PXDNL: variants seen among roughly 807,000 people sequenced by gnomAD.
PXDNL encodes the protein peroxidasin like, also known as probable oxidoreductase PXDNL.
A neutral mutation model predicts 150.8 loss-of-function variants in PXDNL; 145 were observed. That is an observed-to-expected ratio of 0.96 (90% CI 0.84 to 1.10). PXDNL has a LOEUF of 1.10. Ranked by LOEUF, PXDNL falls within the 50% of genes least tolerant of loss-of-function variation. The probability of loss-of-function intolerance (pLI) is 0.00; values close to 1 mark genes in which losing one functional copy is unlikely to be tolerated. For synonymous variants in PXDNL, 757 were observed against 725.7 expected (o/e 1.04, Z -0.69); for missense variants, 2,087 against 1,873.9 (o/e 1.11, Z -2.10).
At chr8:51,714,535 T>TTAAG (rs1030399872) in intron 1 of PXDNL, among the ~76,000 whole-genome samples, 1 of 152,178 alleles carries the variant, frequency 6.6e-6, no homozygotes, top group Non-Finnish European at 1.5e-5. Context: ...TGGAAAATGC[T>TTAAG]TAAGTTTAAA....
At chr8:51,523,568 C>T (rs1811704436) in intron 4 of PXDNL, among the ~76,000 whole-genome samples, 1 of 152,086 alleles carries the variant, frequency 6.6e-6, no homozygotes, top group Non-Finnish European at 1.5e-5. Context: ...ACAAAGAAAA[C>T]ACAGAAGAAT....
At chr8:51,703,572 G>A (rs906083891) in intron 1 of PXDNL, among the ~76,000 whole-genome samples, 1 of 151,990 alleles carries the variant, frequency 6.6e-6, no homozygotes, top group African/African-American at 2.4e-5. Context: ...TTCTCAAAAT[G>A]TGGTCACTAG....
chr8:51,334,360 A>T (rs1269341218), intron 21 of PXDNL, among the ~76,000 whole-genome samples: 1 of 152,178 alleles, frequency 6.6e-6, no homozygotes, highest in Non-Finnish European at 1.5e-5. Context: ...TGTCAACATC[A>T]AAAAGTCTGA....
intron 1 of PXDNL, among the ~76,000 whole-genome samples, chr8:51,769,055 T>C (rs2037262288): frequency 6.6e-6 from 1 of 152,238 alleles, no homozygotes; most frequent in Admixed American, 6.5e-5. Context: ...CGAGCTGAGT[T>C]TGCTCCACTG....
chr8:51,463,835 T>G (rs909764312), intron 8 of PXDNL, among the ~76,000 whole-genome samples: 1 of 152,126 alleles, frequency 6.6e-6, no homozygotes, highest in African/African-American at 2.4e-5. Flanking sequence ...AACTTAATCC[T>G]GAATGACTTT....
intron 17 of PXDNL, among the ~76,000 whole-genome samples, chr8:51,402,306 A>C (rs1808276591): frequency 6.6e-6 from 1 of 152,116 alleles, no homozygotes; most frequent in Non-Finnish European, 1.5e-5. Flanking sequence ...GAAGCAGATC[A>C]CATGTGGTCA....
chr8:51,398,623 G>A (rs1808159527), intron 17 of PXDNL, among the ~76,000 whole-genome samples: 1 of 152,200 alleles, frequency 6.6e-6, no homozygotes, highest in African/African-American at 2.4e-5. Context: ...TGGAAGTTCA[G>A]CCACCCCACA....
chr8:51,712,571 T>G (rs1228191143), intron 1 of PXDNL, among the ~76,000 whole-genome samples: 1 of 152,244 alleles, frequency 6.6e-6, no homozygotes, highest in Non-Finnish European at 1.5e-5. Context: ...TTAATTAACA[T>G]TTGTTGAATA....
chr8:51,537,286 T>A (rs1000230303), intron 4 of PXDNL, among the ~76,000 whole-genome samples: 1 of 152,176 alleles, frequency 6.6e-6, no homozygotes, highest in African/African-American at 2.4e-5. Flanking sequence ...CTGGACACCC[T>A]CTGGCTGGGG....
intron 4 of PXDNL, among the ~76,000 whole-genome samples, chr8:51,533,344 T>G (rs1244761127): frequency 6.6e-6 from 1 of 151,646 alleles, no homozygotes; most frequent in African/African-American, 2.4e-5. Context: ...AGACACAGGG[T>G]TTCACCATGT....
intron 2 of PXDNL, among the ~76,000 whole-genome samples, chr8:51,614,148 AATCTAAGAGCAAC>A (rs1343176038): frequency 6.6e-6 from 1 of 152,246 alleles, no homozygotes; most frequent in Non-Finnish European, 1.5e-5. Flanking sequence ...AGAATCTAAG[AATCTAAGAGCAAC>A]AGATCAGTCA....
chr8:51,403,286 G>A (rs1346315885), intron 17 of PXDNL, among the ~76,000 whole-genome samples: 4 of 152,096 alleles, frequency 2.6e-5, no homozygotes, highest in Non-Finnish European at 5.9e-5. Context: ...TACTGAAGGA[G>A]GCAGGATATT....
At chr8:51,726,370 C>G (rs926914471) in intron 1 of PXDNL, among the ~76,000 whole-genome samples, 4 of 152,204 alleles carry the variant, frequency 2.6e-5, no homozygotes, top group African/African-American at 7.2e-5. Flanking sequence ...TTACATCCCA[C>G]TTCACCTTTG....
rs1474566901 is a variant in PXDNL, at chr8:51,730,509, T to C, written c.165-75749A>G. On this transcript the variant is annotated intron_variant, in intron 1 of 22. Transcript: ENST00000356297. ...TTTACCAATTGTCTACTATGTACCA[T>C]TGATGTGTCTATATGCCATGGATGT... is the stretch of plus-strand genomic sequence containing the variant. Among the ~76,000 whole-genome samples, 44 of 152,210 alleles carry C rather than the reference T, an allele frequency of 2.9e-4. 2 individuals are homozygous for C. Among genetic ancestry groups the C allele is most frequent in the Admixed American group, 2.9e-3 (44 of 15,282 alleles).
At chr8:51,333,411 A>C (rs568539593) in intron 21 of PXDNL, among the ~76,000 whole-genome samples, 13 of 113,414 alleles carry the variant, frequency 1.1e-4, no homozygotes, top group African/African-American at 8.8e-4. Context: ...AGGACCAATA[A>C]AACAAAATAT....
chr8:51,660,825 C>A (rs1418804784), intron 1 of PXDNL, among the ~76,000 whole-genome samples: 2 of 152,140 alleles, frequency 1.3e-5, no homozygotes, highest in African/African-American at 2.4e-5. Flanking sequence ...TCCTGCCCTG[C>A]AGCCCATTTT....
chr8:51,592,176 T>C (rs1813457664), intron 3 of PXDNL, among the ~76,000 whole-genome samples: 1 of 152,208 alleles, frequency 6.6e-6, no homozygotes, highest in South Asian at 2.1e-4. Flanking sequence ...TTTTCAGAAA[T>C]TTGGTCCTTA....
chr8:51,528,587 CT>C (rs1407851733), intron 4 of PXDNL, among the ~76,000 whole-genome samples: 2 of 152,096 alleles, frequency 1.3e-5, no homozygotes, highest in Non-Finnish European at 2.9e-5. Flanking sequence ...AGATTAAGAG[CT>C]TTGAAATGAG....
chr8:51,566,550 T>C (rs1415013387), intron 3 of PXDNL, among the ~76,000 whole-genome samples: 1 of 151,794 alleles, frequency 6.6e-6, no homozygotes, highest in Non-Finnish European at 1.5e-5. Context: ...GTCCATTTTA[T>C]CTAAGTTACC....
Sources: allele counts gnomAD v4.1 joint callset (sites outside exome capture counted in the v4.1 genomes callset), GRCh38; gene constraint gnomAD v4.1.1; transcripts MANE v1.5; gene names NCBI Gene and HGNC (gene_info 2026-07-23, HGNC 2026-07-21).